Variants in ZNF385B observed in about 807,000 individuals in gnomAD.
The protein encoded by ZNF385B is zinc finger protein 385B, also known as zinc finger protein 533.
ZNF385B carries 23 observed loss-of-function variants against 39.2 expected under a neutral mutation model. That is an observed-to-expected ratio of 0.59 (90% CI 0.42 to 0.83). The LOEUF is 0.83. Among genes scored for constraint, ZNF385B ranks in the 40% least tolerant of loss-of-function variants. The probability of loss-of-function intolerance (pLI) is 0.00; values close to 1 mark genes in which losing one functional copy is unlikely to be tolerated. For synonymous variants in ZNF385B, 205 were observed against 222.6 expected, an observed-to-expected ratio of 0.92 and a Z score of 0.70; for missense variants, 552 against 598.9, an observed-to-expected ratio of 0.92 and a Z score of 0.82.
intron 3 of ZNF385B, among the ~76,000 whole-genome samples, chr2:179,663,849 C>A (rs371954713): frequency 6.6e-6 from 1 of 151,804 alleles, no homozygotes; most frequent in African/African-American, 2.4e-5. Context: ...CTCATACAGT[C>A]ATTGTACAGA....
At chr2:179,827,873 A>G (rs1707767090) in intron 1 of ZNF385B, among the ~76,000 whole-genome samples, 1 of 152,106 alleles carries the variant, frequency 6.6e-6, no homozygotes, top group Non-Finnish European at 1.5e-5. Context: ...CCTTATAATC[A>G]TTACCTGCCT....
At chr2:179,674,294 T>A (rs1328375641) in intron 3 of ZNF385B, among the ~76,000 whole-genome samples, 1 of 152,200 alleles carries the variant, frequency 6.6e-6, no homozygotes, top group South Asian at 2.1e-4. Flanking sequence ...TTATTATTAA[T>A]CAAGTAAATG....
chr2:179,640,269 C>A (rs921740899), intron 3 of ZNF385B, among the ~76,000 whole-genome samples: 1 of 152,112 alleles, frequency 6.6e-6, no homozygotes, highest in Non-Finnish European at 1.5e-5. Flanking sequence ...TATAGTAGTA[C>A]TCTATCACTA....
At chr2:179,631,107 T>G (rs1691166681) in intron 3 of ZNF385B, among the ~76,000 whole-genome samples, 1 of 152,144 alleles carries the variant, frequency 6.6e-6, no homozygotes, top group Non-Finnish European at 1.5e-5. Flanking sequence ...CAGGATATCA[T>G]CCAGGAGAAC....
chr2:179,561,064 T>C (rs549895014), intron 3 of ZNF385B, among the ~76,000 whole-genome samples: 59 of 152,220 alleles, frequency 3.9e-4, no homozygotes, highest in Non-Finnish European at 7.2e-4. Context: ...CATTGTGTCC[T>C]GGGTTATACA....
chr2:179,524,317 C>A (rs1055347792), intron 4 of ZNF385B, among the ~76,000 whole-genome samples: 1 of 151,848 alleles, frequency 6.6e-6, no homozygotes, highest in African/African-American at 2.4e-5. Flanking sequence ...CTTTGGGAAG[C>A]TGAGGCCGGC....
chr2:179,524,840 T>C (rs1401136589), intron 4 of ZNF385B, among the ~76,000 whole-genome samples: 5 of 152,144 alleles, frequency 3.3e-5, no homozygotes, highest in East Asian at 1.9e-4. Flanking sequence ...GGGTTTTTTT[T>C]CCCCTCTGAC....
At chr2:179,583,904 T>C (rs1686809393) in intron 3 of ZNF385B, 1 of 1,303,354 alleles carries the variant, frequency 7.7e-7, no homozygotes, top group African/African-American at 1.5e-5. Flanking sequence ...ACATTTTCTC[T>C]CTGGGCCAGA....
At chr2:179,840,350 C>T (rs1194208217) in intron 1 of ZNF385B, among the ~76,000 whole-genome samples, 1 of 152,180 alleles carries the variant, frequency 6.6e-6, no homozygotes, top group Non-Finnish European at 1.5e-5. Context: ...ACAGGGACCT[C>T]TGAATACTAT....
intron 3 of ZNF385B, among the ~76,000 whole-genome samples, chr2:179,546,412 A>G (rs979626211): frequency 3.9e-5 from 6 of 152,054 alleles, no homozygotes; most frequent in East Asian, 1.9e-4. Flanking sequence ...TCATCATTCT[A>G]TTCTCTGTGT....
In ZNF385B at chr2:179,442,934, T is replaced by C. The variant is rs2049090593; in HGVS notation, c.*316A>G. The stretch of plus-strand genomic sequence containing the variant: ...TACCCATGGAAAAATAGAGAATGGT[T>C]TTCTTTCTTTTTCTTTCTGACCAAT... On this transcript the variant is annotated 3_prime_UTR_variant, in exon 10 of 10. Coordinates refer to ENST00000410066, the MANE Select transcript of ZNF385B (RefSeq NM_152520.6). 1 of 417,932 alleles carries C rather than the reference T, an allele frequency of 2.4e-6. No individual in the cohort carries two copies. Among genetic ancestry groups the C allele is most frequent in the African/African-American group, 2.0e-5 (1 of 49,198 alleles). 25.9% of individuals were successfully genotyped at this position (417,932 alleles called of 1,614,324 possible).
intron 3 of ZNF385B, among the ~76,000 whole-genome samples, chr2:179,709,852 C>T (rs959316212): frequency 6.6e-6 from 1 of 152,136 alleles, no homozygotes; most frequent in African/African-American, 2.4e-5. Context: ...CTTGTGTGTA[C>T]ACCTGCACAG....
rs1481761324 is a variant in ZNF385B, at chr2:179,652,275, G to A, written c.299-107306C>T. Among the ~76,000 whole-genome samples, 5 of 152,044 alleles carry A rather than the reference G, an allele frequency of 3.3e-5. No individual in the cohort carries two copies. In the South Asian group the frequency reaches 8.3e-4, roughly 25 times the overall value. The stretch of plus-strand genomic sequence containing the variant: ...GGTTCTAAAGTATAGGCTATAGGAC[G>A]AATAAAAAGTATACATCCAATGATG... On this transcript the variant is annotated intron_variant, in intron 3 of 9. Coordinates refer to ENST00000410066, the MANE Select transcript of ZNF385B (RefSeq NM_152520.6).
intron 3 of ZNF385B, among the ~76,000 whole-genome samples, chr2:179,584,277 A>T (rs1686851439): frequency 1.3e-5 from 2 of 152,064 alleles, no homozygotes; most frequent in South Asian, 4.2e-4. Context: ...ATCTCCAGAC[A>T]TTGTCAAAAG....
At chr2:179,859,358 A>AT (rs999597532) in intron 1 of ZNF385B, among the ~76,000 whole-genome samples, 1 of 152,022 alleles carries the variant, frequency 6.6e-6, no homozygotes, top group Non-Finnish European at 1.5e-5. Flanking sequence ...AAATATCAAC[A>AT]TTTTTTTCAA....
intron 1 of ZNF385B, among the ~76,000 whole-genome samples, chr2:179,846,048 G>T (rs1708782548): frequency 6.6e-6 from 1 of 152,130 alleles, no homozygotes; most frequent in South Asian, 2.1e-4. Flanking sequence ...ACATACTTTT[G>T]GTTGGCTATG....
intron 6 of ZNF385B, among the ~76,000 whole-genome samples, chr2:179,477,343 T>C (rs1356978325): frequency 2.0e-5 from 3 of 152,182 alleles, no homozygotes; most frequent in African/African-American, 7.2e-5. Flanking sequence ...GATATACTCA[T>C]TGATAACGAC....
At chr2:179,761,628 G>C (rs1243362817) in intron 3 of ZNF385B, among the ~76,000 whole-genome samples, 1 of 151,628 alleles carries the variant, frequency 6.6e-6, no homozygotes, top group Admixed American at 6.6e-5. Context: ...ACGCAGTCTG[G>C]AGTACAGTGG....
chr2:179,459,572 G>C (rs1334180027), intron 6 of ZNF385B, among the ~76,000 whole-genome samples: 3 of 145,548 alleles, frequency 2.1e-5, no homozygotes, highest in Admixed American at 1.4e-4. Flanking sequence ...TCATCTAGTG[G>C]GGGAGAGAGA....
Sources: allele counts gnomAD v4.1 joint callset (sites outside exome capture counted in the v4.1 genomes callset), GRCh38; gene constraint gnomAD v4.1.1; transcripts MANE v1.5; gene names NCBI Gene and HGNC (gene_info 2026-07-23, HGNC 2026-07-21).